Variants in NPSR1 observed in about 807,000 individuals in gnomAD.
NPSR1 encodes the protein neuropeptide S receptor.
A neutral mutation model predicts 46.9 loss-of-function variants in NPSR1; 48 were observed. That is an observed-to-expected ratio of 1.02 (90% CI 0.81 to 1.30). The LOEUF (loss-of-function observed/expected upper bound fraction) is 1.30. Ranked by LOEUF, NPSR1 falls within the 50% of genes most tolerant of loss-of-function variation. The probability of loss-of-function intolerance (pLI) is 0.00; values close to 1 mark genes in which losing one functional copy is unlikely to be tolerated. For synonymous variants in NPSR1, 176 were observed against 168.1 expected, an observed-to-expected ratio of 1.05 and a Z score of -0.36; for missense variants, 450 against 449.5, an observed-to-expected ratio of 1.00 and a Z score of -0.01.
chr7:34,802,704 T>A (rs368756243), intron 3 of NPSR1, among the ~76,000 whole-genome samples: 7 of 150,218 alleles, frequency 4.7e-5, no homozygotes, highest in African/African-American at 7.6e-5. Flanking sequence ...ACAAAAGCCA[T>A]AATTGACAAA....
chr7:34,844,835 T>C, intron 6 of NPSR1, 61 bp from the exon 7 acceptor site: 5 of 1,062,428 alleles, frequency 4.7e-6, no homozygotes, highest in Non-Finnish European at 7.4e-6. Context: ...TCCTATTGGC[T>C]GAAACAGAAA....
intron 3 of NPSR1, among the ~76,000 whole-genome samples, chr7:34,790,938 TATATATC>T (rs1214977488): frequency 7.8e-5 from 10 of 128,280 alleles, no homozygotes; most frequent in African/African-American, 2.0e-4. Context: ...TATGTTATAT[TATATATC>T]ATATATGTTA....
chr7:34,787,741 G>A (rs1787529164), intron 3 of NPSR1, among the ~76,000 whole-genome samples: 1 of 152,114 alleles, frequency 6.6e-6, no homozygotes, highest in South Asian at 2.1e-4. Flanking sequence ...GGAGACAGAT[G>A]GAGGAACAAC....
intron 2 of NPSR1, among the ~76,000 whole-genome samples, chr7:34,774,689 C>T (rs79042915): frequency 0.014 from 2,078 of 152,258 alleles, 16 homozygotes; most frequent in Non-Finnish European, 0.021. Flanking sequence ...CTGTATCTTT[C>T]CCCACTAACA....
chr7:34,848,437 C>A, intron 7 of NPSR1, 46 bp from the exon 8 acceptor site: 2 of 1,581,524 alleles, frequency 1.3e-6, no homozygotes, highest in South Asian at 1.1e-5. Flanking sequence ...AAAGAGACCC[C>A]TCAACTGCTA....
intron 3 of NPSR1, among the ~76,000 whole-genome samples, chr7:34,792,703 A>ATATATATATATTGATATATATATATG (rs1787976146): frequency 1.1e-5 from 1 of 88,574 alleles, no homozygotes; most frequent in South Asian, 3.4e-4. Flanking sequence ...ATATATACGT[A>ATATATATATATTGATATATATATATG]TATATATATA....
chr7:34,744,292 C>G (rs966784057), intron 2 of NPSR1, among the ~76,000 whole-genome samples: 15 of 151,690 alleles, frequency 9.9e-5, no homozygotes, highest in African/African-American at 3.6e-4. Context: ...CAGGATTTTT[C>G]TTAATTAATA....
chr7:34,700,199 C>T (rs558328024), intron 2 of NPSR1, among the ~76,000 whole-genome samples: 19 of 151,940 alleles, frequency 1.3e-4, no homozygotes, highest in African/African-American at 4.1e-4. Context: ...GCGGATGTAA[C>T]GAGAGCACCA....
At chr7:34,850,147 T>C (rs1044516201), downstream of NPSR1, among the ~76,000 whole-genome samples, 1 of 152,256 alleles carries the variant, frequency 6.6e-6, no homozygotes, top group Non-Finnish European at 1.5e-5. Context: ...CAAATTCATT[T>C]CCAGGCATTG....
intron 4 of NPSR1, among the ~76,000 whole-genome samples, chr7:34,823,417 C>CAAAAAAAAAAAAAAAAAAAAGAAAAAA (rs79081202): frequency 9.6e-6 from 1 of 103,958 alleles, no homozygotes; most frequent in Non-Finnish European, 1.9e-5. Flanking sequence ...AAAAAAAAAA[C>CAAAAAAAAAAAAAAAAAAAAGAAAAAA]AACACCATAA....
intron 3 of NPSR1, among the ~76,000 whole-genome samples, chr7:34,794,308 A>T (rs1788075638): frequency 6.6e-6 from 1 of 152,166 alleles, no homozygotes; most frequent in Non-Finnish European, 1.5e-5. Flanking sequence ...CAATATATAC[A>T]CATATCAAAA....
intron 2 of NPSR1, among the ~76,000 whole-genome samples, chr7:34,742,696 G>A (rs1785007455): frequency 1.3e-5 from 2 of 152,166 alleles, no homozygotes; most frequent in African/African-American, 2.4e-5. Context: ...TAATGGAAAT[G>A]CTGGGTCAAA....
intron 2 of NPSR1, among the ~76,000 whole-genome samples, chr7:34,712,800 C>T (rs1307528612): frequency 6.6e-6 from 1 of 152,224 alleles, no homozygotes; most frequent in African/African-American, 2.4e-5. Context: ...TCTATAATCA[C>T]CTCAGCTCTG....
chr7:34,809,463 T>TTC (rs1451420203), intron 3 of NPSR1, among the ~76,000 whole-genome samples: 2 of 143,342 alleles, frequency 1.4e-5, no homozygotes, highest in East Asian at 4.0e-4. Context: ...CCCAGGTATT[T>TTC]TTTTTTTTTT....
intron 8 of NPSR1, among the ~76,000 whole-genome samples, chr7:34,858,424 C>T (rs943983298): frequency 6.6e-6 from 1 of 151,674 alleles, no homozygotes; most frequent in African/African-American, 2.4e-5. Context: ...ATATAAAGGT[C>T]AAAGACAGAG....
chr7:34,874,031 A>G, intron 8 of NPSR1, among the ~76,000 whole-genome samples: 1 of 151,652 alleles, frequency 6.6e-6, no homozygotes, highest in African/African-American at 2.4e-5. Flanking sequence ...CTAATGATAC[A>G]CAGTCTTCTC....
intron 2 of NPSR1, among the ~76,000 whole-genome samples, chr7:34,761,492 T>C (rs560239844): frequency 6.6e-6 from 1 of 152,342 alleles, no homozygotes; most frequent in South Asian, 2.1e-4. Flanking sequence ...CATATCTCTA[T>C]GTCTGCCTCA....
chr7:34,789,075 C>T (rs995373111), intron 3 of NPSR1, among the ~76,000 whole-genome samples: 2 of 151,620 alleles, frequency 1.3e-5, no homozygotes, highest in African/African-American at 2.4e-5. Context: ...AAATTAAAAG[C>T]AAAAATTTAA....
chr7:34,756,604 T>C (rs1354821813), intron 2 of NPSR1, among the ~76,000 whole-genome samples: 2 of 152,228 alleles, frequency 1.3e-5, no homozygotes, highest in Non-Finnish European at 2.9e-5. Context: ...AAACTTCTTT[T>C]ATGGCACAGA....
Sources: gnomAD v4.1 joint callset for allele counts (sites outside exome capture counted in the v4.1 genomes callset) on GRCh38, gnomAD v4.1.1 for gene constraint, MANE v1.5 for transcripts, NCBI Gene and HGNC (gene_info 2026-07-23, HGNC 2026-07-21) for gene names.